HADHB: variants seen among roughly 807,000 people sequenced by gnomAD.
HADHB encodes hydroxyacyl-CoA dehydrogenase trifunctional multienzyme complex subunit beta.
In HADHB, 50 loss-of-function variants were observed where a neutral mutation model predicts 61.9. The ratio of observed to expected loss-of-function variants is 0.81; its 90% CI spans 0.64 to 1.02. The LOEUF is 1.02. Among genes scored for constraint, HADHB ranks in the 50% least tolerant of loss-of-function variants. The probability of loss-of-function intolerance (pLI) is 0.00; values close to 1 mark genes in which losing one functional copy is unlikely to be tolerated. For synonymous variants in HADHB, 191 were observed against 201.6 expected, an observed-to-expected ratio of 0.95 and a Z score of 0.45; for missense variants, 504 against 586.5, an observed-to-expected ratio of 0.86 and a Z score of 1.45.
chr2:26,270,263 A>G (rs1487393542), intron 5 of HADHB, among the ~76,000 whole-genome samples: 1 of 152,226 alleles, frequency 6.6e-6, no homozygotes, highest in African/African-American at 2.4e-5. Flanking sequence ...AGGAACTTGT[A>G]TAAGGGTAGC....
intron 15 of HADHB, 130 bp from the exon 16 acceptor site, chr2:26,289,788 C>T (rs1673190526): frequency 2.6e-6 from 2 of 773,162 alleles, no homozygotes; most frequent in Non-Finnish European, 4.7e-6. Flanking sequence ...TTCCCAAGAT[C>T]ACAGTGATTG....
chr2:26,271,593 C>T (rs1672349937), intron 5 of HADHB, among the ~76,000 whole-genome samples: 1 of 152,126 alleles, frequency 6.6e-6, no homozygotes, highest in Admixed American at 6.6e-5. Flanking sequence ...AAGTTTCATT[C>T]CTTAGAGCTT....
intron 10 of HADHB, among the ~76,000 whole-genome samples, chr2:26,281,018 A>T (rs886769190): frequency 6.6e-6 from 1 of 152,098 alleles, no homozygotes; most frequent in Non-Finnish European, 1.5e-5. Context: ...AGGCAGAAAG[A>T]GTAACAGGAT....
rs1445366324 is a variant in HADHB at position 26,284,297 on chromosome 2, G to T, written c.1149+93G>T. The T allele has an allele frequency of 3.7e-6, 3 of 803,714 alleles. No individual in the cohort carries two copies. In the African/African-American group the frequency reaches 5.0e-5, roughly 13 times the overall value. 49.8% of individuals were successfully genotyped at this position (803,714 alleles called of 1,614,324 possible). ...GAGAGCAAGGCATGGTTTATGATGT[G>T]AGTAGAGCAGGAGTGGACCTGCATA... is the stretch of plus-strand genomic sequence containing the variant. On this transcript the variant is annotated intron_variant, in intron 13 of 15. Transcript: ENST00000317799.
chr2:26,278,865 C>T (rs2147825130), intron 8 of HADHB, 64 bp downstream of exon 8: 4 of 1,290,660 alleles, frequency 3.1e-6, no homozygotes, highest in South Asian at 1.2e-5. Context: ...GCAGTGTGGA[C>T]TCTGCTATGC....
At chr2:26,277,229 T>C (rs1672565031) in intron 7 of HADHB, 69 bp downstream of exon 7, 1 of 705,020 alleles carries the variant, frequency 1.4e-6, no homozygotes, top group Non-Finnish European at 2.3e-6. Flanking sequence ...ATTATAAAAA[T>C]GTACTTTTTT....
intron 7 of HADHB, 58 bp from the exon 8 acceptor site, chr2:26,278,556 G>A: frequency 7.3e-7 from 1 of 1,367,600 alleles, no homozygotes; most frequent in Middle Eastern, 1.9e-4. Context: ...AGCTTAAATT[G>A]GAATGGTATG....
chr2:26,279,979 T>C lies in HADHB; in HGVS notation c.812-15T>C. Reference sequence around the variant, plus strand: ...TGTGGTTCCATAGAGTTAAAAAAATTCATTTTTTTAATAGGAAAAGATACA... The same window carrying C: ...TGTGGTTCCATAGAGTTAAAAAAATCCATTTTTTTAATAGGAAAAGATACA... On this transcript the variant is annotated splice_polypyrimidine_tract_variant and intron_variant, in intron 9 of 15. Transcript: ENST00000317799. 1.3e-6 allele frequency: 2 copies of C among 1,595,652 alleles called. No individual in the cohort carries two copies. Among genetic ancestry groups the C allele is most frequent in the Non-Finnish European group, 1.7e-6 (2 of 1,165,140 alleles).
intron 7 of HADHB, among the ~76,000 whole-genome samples, chr2:26,278,140 T>C (rs1672626369): frequency 6.6e-6 from 1 of 152,220 alleles, no homozygotes; most frequent in Non-Finnish European, 1.5e-5. Context: ...CGTTCGCCAC[T>C]CTAGGCAGCA....
intron 4 of HADHB, among the ~76,000 whole-genome samples, chr2:26,267,801 T>C (rs1293922159): frequency 7.2e-6 from 1 of 139,064 alleles, no homozygotes; most frequent in Middle Eastern, 4.0e-3. Flanking sequence ...AGTAAATAAA[T>C]GAGAAAGAAT....
In HADHB at chr2:26,282,737, GTATAAGTCTAATGAGTTAATAGAT is replaced by G. The variant is rs1483156165; in HGVS notation, c.934-106_934-83del. On this transcript the variant is annotated intron_variant, in intron 10 of 15. Coordinates refer to ENST00000317799, the MANE Select transcript of HADHB (RefSeq NM_000183.3). ...GTAAGTGTTGTTATATAGAATCACT[GTATAAGTCTAATGAGTTAATAGAT>G]TCAGGTACAGATATATAAGATGGCT... 4.0e-6 allele frequency: 3 copies of G among 759,204 alleles called. No individual in the cohort carries two copies. The African/African-American group carries it at 5.1e-5, about 13-fold the overall frequency. 47.0% of individuals were successfully genotyped at this position (759,204 alleles called of 1,614,324 possible). A position where few individuals can be genotyped will look rare whatever the true frequency, so the allele number is the denominator to read the frequency against.
chr2:26,258,882 C>T (rs1019327460), intron 3 of HADHB, among the ~76,000 whole-genome samples: 1 of 151,860 alleles, frequency 6.6e-6, no homozygotes, highest in Non-Finnish European at 1.5e-5. Flanking sequence ...TTCTTTACCA[C>T]CTGATTGGTC....
chr2:26,261,175 C>T (rs914002603), intron 3 of HADHB: 1 of 546,884 alleles, frequency 1.8e-6, no homozygotes, highest in Non-Finnish European at 3.3e-6. Context: ...TTTAGAGGGG[C>T]CTGTGGGATG....
At chr2:26,258,072 T>G (rs936118768) in intron 3 of HADHB, among the ~76,000 whole-genome samples, 7 of 152,088 alleles carry the variant, frequency 4.6e-5, no homozygotes, top group East Asian at 1.9e-4. Flanking sequence ...CTAGTGTGCC[T>G]TCTTCTGGGA....
At chr2:26,271,912 T>G (rs972176035) in intron 5 of HADHB, among the ~76,000 whole-genome samples, 5 of 152,138 alleles carry the variant, frequency 3.3e-5, no homozygotes, top group Non-Finnish European at 7.3e-5. Flanking sequence ...AAAAAAAATT[T>G]TTTTTAAATT....
chr2:26,279,607 C>T (rs956622547), intron 9 of HADHB, among the ~76,000 whole-genome samples: 3 of 150,542 alleles, frequency 2.0e-5, no homozygotes, highest in East Asian at 3.9e-4. Context: ...TGGTCAACAG[C>T]GTGAGACTTC....
chr2:26,260,240 C>T lies in HADHB; in HGVS notation c.110-3140C>T, dbSNP rs150447016. 4.1e-3 allele frequency among the ~76,000 whole-genome samples: 623 copies of T among 152,092 alleles called. 2 individuals are homozygous for T. Among genetic ancestry groups the T allele is most frequent in the African/African-American group, 0.014 (587 of 41,490 alleles). On this transcript the variant is annotated intron_variant, in intron 3 of 15. Coordinates refer to ENST00000317799, the MANE Select transcript of HADHB (RefSeq NM_000183.3). ...GGGATTATAGGAGCGTACCACCGTG[C>T]CCAGCTAATTTTTGTATTTTTAGTA...
chr2:26,279,064 C>A, intron 8 of HADHB, 71 bp from the exon 9 acceptor site: 1 of 1,257,436 alleles, frequency 8.0e-7, no homozygotes, highest in Non-Finnish European at 1.2e-6. Context: ...CCAAATAACA[C>A]AGAACAATCC....
At chr2:26,260,736 G>T in intron 3 of HADHB, 1 of 431,118 alleles carries the variant, frequency 2.3e-6, no homozygotes, top group Non-Finnish European at 4.2e-6. Context: ...ACTACAGCTG[G>T]AAAGGTGTTA....
Sources: allele counts gnomAD v4.1 joint callset (sites outside exome capture counted in the v4.1 genomes callset), GRCh38; gene constraint gnomAD v4.1.1; transcripts MANE v1.5; gene names NCBI Gene and HGNC (gene_info 2026-07-23, HGNC 2026-07-21).